The following DCC variants were observed in gnomAD, a reference collection of about 807,000 sequenced individuals.
The protein encoded by DCC is DCC netrin 1 receptor.
Under a neutral mutation model 172.5 loss-of-function variants are expected in DCC, and 58 were observed. The observed-to-expected ratio is 0.34, with a 90% CI of 0.27 to 0.42. DCC has a LOEUF of 0.42. Ranked by LOEUF, DCC falls within the 10% of genes least tolerant of loss-of-function variation. The probability of loss-of-function intolerance (pLI) is 1.00; values close to 1 mark genes in which losing one functional copy is unlikely to be tolerated. For missense variants in DCC, 1,740 were observed against 1,791.0 expected (o/e 0.97, Z 0.51); for synonymous variants, 709 against 644.5 (o/e 1.10, Z -1.52).
intron 15 of DCC, among the ~76,000 whole-genome samples, chr18:53,351,352 CAGT>C (rs1568074856): frequency 8.8e-4 from 42 of 47,804 alleles, no homozygotes; most frequent in Non-Finnish European, 2.1e-3. Context: ...TATATATACA[CAGT>C]ATATATATAT....
intron 2 of DCC, among the ~76,000 whole-genome samples, chr18:52,771,511 C>T (rs1599093386): frequency 6.6e-6 from 1 of 152,136 alleles, no homozygotes; most frequent in East Asian, 1.9e-4. Context: ...CAGGAAACTT[C>T]CTCTACATAG....
intron 2 of DCC, among the ~76,000 whole-genome samples, chr18:52,753,301 G>T (rs1463193364): frequency 6.6e-6 from 1 of 152,094 alleles, no homozygotes; most frequent in African/African-American, 2.4e-5. Context: ...TTCTGTCATG[G>T]ATTTGACTGA....
At chr18:53,226,345 T>C (rs1300990182) in intron 12 of DCC, among the ~76,000 whole-genome samples, 2 of 152,170 alleles carry the variant, frequency 1.3e-5, no homozygotes, top group African/African-American at 4.8e-5. Context: ...TAAAATGTGC[T>C]GAGAAAGGAG....
intron 2 of DCC, among the ~76,000 whole-genome samples, chr18:52,765,073 G>A (rs2037223440): frequency 1.3e-5 from 2 of 149,276 alleles, no homozygotes; most frequent in African/African-American, 5.0e-5. Context: ...ATGTTGCCCA[G>A]GCCGGAGTGC....
At chr18:53,269,091 C>CGT (rs140352533) in intron 12 of DCC, among the ~76,000 whole-genome samples, 176 of 149,366 alleles carry the variant, frequency 1.2e-3, no homozygotes, top group South Asian at 4.0e-3. Context: ...GATGTGTGTG[C>CGT]GTGTGTGTGT....
At chr18:52,953,324 C>T (rs989342773) in intron 5 of DCC, among the ~76,000 whole-genome samples, 17 of 152,114 alleles carry the variant, frequency 1.1e-4, no homozygotes, top group Admixed American at 2.0e-4. Context: ...GTTGCCCCAC[C>T]GCTGTTAGAG....
At chr18:53,374,110 C>T (rs2058086871) in intron 15 of DCC, among the ~76,000 whole-genome samples, 1 of 151,896 alleles carries the variant, frequency 6.6e-6, no homozygotes, top group Admixed American at 6.6e-5. Context: ...GTGTGCTGTC[C>T]AGTGTGGAAG....
rs531069467 is a variant in DCC, at chr18:52,622,154, T to G, written c.92-129900T>G. The stretch of plus-strand genomic sequence containing the variant: ...AATAATCTATAGTCAGGAATTCACA[T>G]TAATAATTTAATTTCTGCCACCATT... On this transcript the variant is annotated intron_variant, in intron 1 of 28. Transcript: ENST00000442544. Among the ~76,000 whole-genome samples the G allele has an allele frequency of 3.3e-5, 5 of 152,300 alleles. No individual in the cohort carries two copies. The East Asian group carries it at 7.7e-4, about 24-fold the overall frequency.
chr18:53,289,548 A>G (rs2056976686), intron 12 of DCC, among the ~76,000 whole-genome samples: 1 of 152,152 alleles, frequency 6.6e-6, no homozygotes, highest in Admixed American at 6.5e-5. Context: ...GTTTGAGTTG[A>G]ATATGCCTGT....
At chr18:53,391,447 CAATT>C (rs1908538132) in intron 16 of DCC, among the ~76,000 whole-genome samples, 1 of 152,054 alleles carries the variant, frequency 6.6e-6, no homozygotes, top group Non-Finnish European at 1.5e-5. Context: ...AGAAAATATT[CAATT>C]ACTTTTTTGC....
chr18:52,969,355 T>C (rs2040985316), intron 5 of DCC, among the ~76,000 whole-genome samples: 1 of 152,120 alleles, frequency 6.6e-6, no homozygotes, highest in African/African-American at 2.4e-5. Context: ...ATTCCTTATA[T>C]TAGCAAATAA....
At chr18:52,859,502 T>C (rs750496093) in intron 2 of DCC, among the ~76,000 whole-genome samples, 4 of 152,172 alleles carry the variant, frequency 2.6e-5, no homozygotes, top group Non-Finnish European at 4.4e-5. Flanking sequence ...CAAAATAGGC[T>C]ATAGTGGTAA....
chr18:52,602,331 G>C (rs570867477), intron 1 of DCC, among the ~76,000 whole-genome samples: 1 of 151,700 alleles, frequency 6.6e-6, no homozygotes, highest in East Asian at 1.9e-4. Flanking sequence ...ATCATATAGG[G>C]TCTTCTACCT....
intron 27 of DCC, among the ~76,000 whole-genome samples, chr18:53,514,507 G>A (rs2046307229): frequency 6.6e-6 from 1 of 152,246 alleles, no homozygotes; most frequent in Middle Eastern, 3.4e-3. Context: ...AATGAATACA[G>A]GAGCTGGTTT....
intron 12 of DCC, among the ~76,000 whole-genome samples, chr18:53,289,457 T>C (rs1275226725): frequency 1.3e-5 from 2 of 152,158 alleles, no homozygotes; most frequent in Non-Finnish European, 2.9e-5. Context: ...TTTATCTTAG[T>C]AGATTTAAGT....
At chr18:53,281,365 T>C (rs1293262437) in intron 12 of DCC, among the ~76,000 whole-genome samples, 1 of 152,146 alleles carries the variant, frequency 6.6e-6, no homozygotes, top group African/African-American at 2.4e-5. Context: ...TTAACAGAAA[T>C]TCTGACTATA....
chr18:52,636,634 C>T (rs1488174807), intron 1 of DCC, among the ~76,000 whole-genome samples: 3 of 151,974 alleles, frequency 2.0e-5, no homozygotes, highest in South Asian at 4.1e-4. Context: ...TATACAACTC[C>T]AGTATACAAC....
chr18:53,062,669 G>A (rs896968800), intron 5 of DCC, among the ~76,000 whole-genome samples: 8 of 151,990 alleles, frequency 5.3e-5, no homozygotes, highest in African/African-American at 9.7e-5. Context: ...CTAGTGTTAC[G>A]ATAATTAAGA....
At chr18:53,036,701 C>A (rs1400331260) in intron 5 of DCC, among the ~76,000 whole-genome samples, 1 of 152,018 alleles carries the variant, frequency 6.6e-6, no homozygotes, top group African/African-American at 2.4e-5. Context: ...ATTCAATATG[C>A]ACCCCTAATC....
Sources: gnomAD v4.1 joint callset for allele counts (sites outside exome capture counted in the v4.1 genomes callset) on GRCh38, gnomAD v4.1.1 for gene constraint, MANE v1.5 for transcripts, NCBI Gene and HGNC (gene_info 2026-07-23, HGNC 2026-07-21) for gene names.